Variants in TBC1D5 observed in about 807,000 individuals in gnomAD.
The protein encoded by TBC1D5 is TBC1 domain family member 5.
In TBC1D5, 75 loss-of-function variants were observed where a neutral mutation model predicts 100.3. That is an observed-to-expected ratio of 0.75 (90% confidence interval 0.62 to 0.91). The LOEUF (loss-of-function observed/expected upper bound fraction) is 0.91. Ranked by LOEUF, TBC1D5 falls within the 40% of genes least tolerant of loss-of-function variation. The probability of loss-of-function intolerance (pLI) is 0.00; values close to 1 mark genes in which losing one functional copy is unlikely to be tolerated. For synonymous variants in TBC1D5, 323 were observed against 325.6 expected (o/e 0.99, Z 0.09); for missense variants, 910 against 942.4 (o/e 0.97, Z 0.45).
intron 1 of TBC1D5, among the ~76,000 whole-genome samples, chr3:17,689,968 A>C (rs2070888331): frequency 6.6e-6 from 1 of 152,158 alleles, no homozygotes; most frequent in South Asian, 2.1e-4. Flanking sequence ...ATGAGCGAAA[A>C]AGAAGAGATA....
chr3:17,299,297 A>G (rs2082581974), intron 14 of TBC1D5, among the ~76,000 whole-genome samples: 1 of 152,092 alleles, frequency 6.6e-6, no homozygotes. Context: ...TCATCATGCT[A>G]CTCAGAATGG....
At chr3:17,361,173 C>T (rs2091669696) in intron 13 of TBC1D5, among the ~76,000 whole-genome samples, 1 of 151,906 alleles carries the variant, frequency 6.6e-6, no homozygotes, top group South Asian at 2.1e-4. Flanking sequence ...ACGCTATTTC[C>T]TGTGTGTGAA....
intron 13 of TBC1D5, among the ~76,000 whole-genome samples, chr3:17,362,959 T>C (rs1306853480): frequency 6.6e-6 from 1 of 152,190 alleles, no homozygotes; most frequent in Non-Finnish European, 1.5e-5. Context: ...CATGCCCTTT[T>C]ATAGCCATAT....
Position 17,594,511 on chromosome 3 carries a change from T to C in TBC1D5, c.-36+29338A>G, listed in dbSNP as rs376712345. On this transcript the variant is annotated intron_variant, in intron 2 of 21. Coordinates refer to ENST00000253692, the Ensembl canonical transcript of TBC1D5. ...TACCAGCTACAGAATCAATACCAGC[T>C]ACAGTGACCAGCTGTAGAAACATGG... Among the ~76,000 whole-genome samples the C allele has an allele frequency of 2.0e-5, 3 of 152,216 alleles. No individual in the cohort carries two copies. The South Asian group carries it at 6.2e-4, about 32-fold the overall frequency.
At chr3:17,585,665 C>A (rs1026906156) in intron 2 of TBC1D5, among the ~76,000 whole-genome samples, 3 of 152,132 alleles carry the variant, frequency 2.0e-5, no homozygotes, top group Non-Finnish European at 4.4e-5. Flanking sequence ...CAGTGATGAA[C>A]AAACATTCAA....
chr3:17,552,773 T>G (rs1458817902), intron 2 of TBC1D5, among the ~76,000 whole-genome samples: 1 of 151,966 alleles, frequency 6.6e-6, no homozygotes, highest in Non-Finnish European at 1.5e-5. Context: ...TTAAACAGAG[T>G]TGAGTGACAA....
intron 2 of TBC1D5, among the ~76,000 whole-genome samples, chr3:17,531,113 G>C (rs2096217042): frequency 6.6e-6 from 1 of 152,198 alleles, no homozygotes; most frequent in Admixed American, 6.5e-5. Flanking sequence ...ATCTCCTTAA[G>C]CTGATAAGCA....
chr3:17,167,206 G>A (rs1463220), intron 20 of TBC1D5, among the ~76,000 whole-genome samples: 54,177 of 151,978 alleles, frequency 0.36, 9,731 homozygotes, highest in South Asian at 0.44. Context: ...TCTTAAAACA[G>A]GAAGCACAAT....
At chr3:17,400,388 T>G (rs2093615428) in intron 8 of TBC1D5, among the ~76,000 whole-genome samples, 1 of 152,146 alleles carries the variant, frequency 6.6e-6, no homozygotes, top group Non-Finnish European at 1.5e-5. Context: ...ATACAAGCTA[T>G]TCAGCTTTTA....
chr3:17,421,282 G>A (rs2094201222), intron 4 of TBC1D5, among the ~76,000 whole-genome samples: 1 of 149,436 alleles, frequency 6.7e-6, no homozygotes, highest in Non-Finnish European at 1.5e-5. Context: ...TTAAGACTCT[G>A]ATTTCTAAAA....
intron 17 of TBC1D5, among the ~76,000 whole-genome samples, chr3:17,223,618 T>C (rs2074522494): frequency 1.3e-5 from 2 of 152,140 alleles, no homozygotes; most frequent in Non-Finnish European, 2.9e-5. Context: ...CCCAACACTT[T>C]GGGAGGCCAA....
At chr3:17,308,941 A>C (rs1171272041) in intron 13 of TBC1D5, among the ~76,000 whole-genome samples, 1 of 152,034 alleles carries the variant, frequency 6.6e-6, no homozygotes, top group Non-Finnish European at 1.5e-5. Flanking sequence ...ATAAGAAAAA[A>C]ATTTGGTTTG....
At chr3:17,542,834 A>G (rs1037466010) in intron 2 of TBC1D5, among the ~76,000 whole-genome samples, 1 of 152,162 alleles carries the variant, frequency 6.6e-6, no homozygotes, top group African/African-American at 2.4e-5. Flanking sequence ...GTATAATCCT[A>G]TTAACATACA....
chr3:17,162,838 G>C (rs1187633019), intron 21 of TBC1D5, among the ~76,000 whole-genome samples: 1 of 152,204 alleles, frequency 6.6e-6, no homozygotes, highest in African/African-American at 2.4e-5. Context: ...ATCAACAGAG[G>C]CCCTCAGGTT....
intron 1 of TBC1D5, among the ~76,000 whole-genome samples, chr3:17,701,256 A>T (rs879362355): frequency 7.2e-5 from 11 of 151,796 alleles, no homozygotes; most frequent in Non-Finnish European, 1.5e-4. Flanking sequence ...ACATGTTCTC[A>T]CTCATAGGTG....
intron 14 of TBC1D5, among the ~76,000 whole-genome samples, chr3:17,296,148 G>C (rs542358823): frequency 6.6e-6 from 1 of 152,116 alleles, no homozygotes; most frequent in Admixed American, 6.5e-5. Flanking sequence ...ATAAATTCTT[G>C]TTTCTAAAAA....
chr3:17,649,973 A>G (rs1451657956), intron 1 of TBC1D5, among the ~76,000 whole-genome samples: 2 of 152,194 alleles, frequency 1.3e-5, no homozygotes, highest in Non-Finnish European at 2.9e-5. Flanking sequence ...ATAAAAAAGG[A>G]TGAGTTCATG....
At chr3:17,646,232 C>T (rs572768971) in intron 1 of TBC1D5, among the ~76,000 whole-genome samples, 7 of 152,166 alleles carry the variant, frequency 4.6e-5, no homozygotes, top group African/African-American at 1.4e-4. Flanking sequence ...CCAAGGACTG[C>T]CAGCAAACAA....
intron 19 of TBC1D5, among the ~76,000 whole-genome samples, chr3:17,177,538 G>A (rs1299927793): frequency 2.6e-5 from 4 of 152,116 alleles, no homozygotes; most frequent in South Asian, 2.1e-4. Flanking sequence ...ATGTTAACAG[G>A]GTTATGAATA....
Sources: allele counts gnomAD v4.1 joint callset (sites outside exome capture counted in the v4.1 genomes callset), GRCh38; gene constraint gnomAD v4.1.1; transcripts MANE v1.5; gene names NCBI Gene and HGNC (gene_info 2026-07-23, HGNC 2026-07-21).